The following HIVEP1 variants were observed in gnomAD, a reference collection of about 807,000 sequenced individuals.
The protein encoded by HIVEP1 is zinc finger protein 40.
A neutral mutation model predicts 180.0 loss-of-function variants in HIVEP1; 36 were observed. The ratio of observed to expected loss-of-function variants is 0.20; its 90% CI spans 0.15 to 0.26. HIVEP1 has a LOEUF of 0.26. Ranked by LOEUF, HIVEP1 falls within the 10% of genes least tolerant of loss-of-function variation. The pLI is 1.00. For synonymous variants in HIVEP1, 1,239 were observed against 1,239.0 expected, an observed-to-expected ratio of 1.00 and a Z score of 0.00; for missense variants, 3,143 against 3,268.7, an observed-to-expected ratio of 0.96 and a Z score of 0.94.
chr6:12,131,019 C>A lies in HIVEP1; in HGVS notation c.6385+77C>A. ...AAGCTAAAACCCAACTGTGCGTTTT[C>A]TTTGACCGATGAAATAGCAGCTTAA... On this transcript the variant is annotated intron_variant, in intron 6 of 8. Transcript: ENST00000379388. 3.9e-6 allele frequency: 4 copies of A among 1,026,368 alleles called. No individual in the cohort carries two copies. The South Asian group carries it at 7.4e-5, about 19-fold the overall frequency. The allele number at this position is 1,026,368 out of a possible 1,614,324, so 63.6% of individuals were successfully genotyped here.
At chr6:12,018,387 A>AG (rs1767975912) in intron 2 of HIVEP1, among the ~76,000 whole-genome samples, 1 of 152,238 alleles carries the variant, frequency 6.6e-6, no homozygotes, top group South Asian at 2.1e-4. Flanking sequence ...GTGGGCACCA[A>AG]GGCGGAGGAG....
intron 6 of HIVEP1, among the ~76,000 whole-genome samples, chr6:12,133,441 C>G (rs1758537765): frequency 6.6e-6 from 1 of 151,944 alleles, no homozygotes; most frequent in South Asian, 2.1e-4. Flanking sequence ...AAATTAACAC[C>G]AGGTTTATAA....
At chr6:12,131,289 T>C (rs1383481957) in intron 6 of HIVEP1, among the ~76,000 whole-genome samples, 1 of 152,000 alleles carries the variant, frequency 6.6e-6, no homozygotes, top group Non-Finnish European at 1.5e-5. Flanking sequence ...AAAGAAATTT[T>C]CATGATCACA....
rs527383578 is a variant in HIVEP1, at chr6:12,064,740, C to G, written c.41-24444C>G. 1.4e-3 allele frequency among the ~76,000 whole-genome samples: 207 copies of G among 152,246 alleles called. No individual in the cohort carries two copies. In the Middle Eastern group the frequency reaches 0.014, roughly 10 times the overall value. On this transcript the variant is annotated intron_variant, in intron 2 of 8. Transcript: ENST00000379388. ...TTTCATTTTTTGTGTGTCCCCTCCCCACGCCGTACACACACATATTCCCAT... is the reference window on the plus strand; with the variant it reads ...TTTCATTTTTTGTGTGTCCCCTCCCGACGCCGTACACACACATATTCCCAT...
At chr6:12,208,729 G>A in the HIVEP1 span, among the ~76,000 whole-genome samples, 1 of 152,166 alleles carries the variant, frequency 6.6e-6, no homozygotes, top group African/African-American at 2.4e-5. Context: ...AATCCCATGT[G>A]AGGACATAGG....
At chr6:12,109,887 T>G (rs983248848) in intron 3 of HIVEP1, among the ~76,000 whole-genome samples, 11 of 152,248 alleles carry the variant, frequency 7.2e-5, no homozygotes, top group Admixed American at 3.9e-4. Flanking sequence ...TATCACCTTA[T>G]GAAATGAATT....
At chr6:12,105,875 G>A (rs1774392729) in intron 3 of HIVEP1, among the ~76,000 whole-genome samples, 1 of 151,536 alleles carries the variant, frequency 6.6e-6, no homozygotes, top group South Asian at 2.1e-4. Context: ...ACTTATTTTG[G>A]TACATGCTGT....
At chr6:12,016,235 T>C (rs768914666) in intron 2 of HIVEP1, among the ~76,000 whole-genome samples, 12 of 152,174 alleles carry the variant, frequency 7.9e-5, no homozygotes, top group Non-Finnish European at 1.5e-4. Context: ...GACAGAAAAG[T>C]GTGTGTTTTC....
chr6:12,056,344 A>T (rs1433759669), intron 2 of HIVEP1, among the ~76,000 whole-genome samples: 17 of 152,176 alleles, frequency 1.1e-4, no homozygotes, highest in Admixed American at 1.1e-3. Context: ...AAGTGGAAAG[A>T]TTAATATTAA....
chr6:12,211,581 CAT>C, the HIVEP1 span, among the ~76,000 whole-genome samples: 158 of 151,206 alleles, frequency 1.0e-3, no homozygotes, highest in African/African-American at 3.7e-3. Flanking sequence ...TACATACATC[CAT>C]GTGTGTGTCT....
chr6:12,059,867 A>G (rs1771119002), intron 2 of HIVEP1, among the ~76,000 whole-genome samples: 1 of 152,202 alleles, frequency 6.6e-6, no homozygotes, highest in South Asian at 2.1e-4. Context: ...GATACTTAGT[A>G]AATGTTTTGC....
intron 7 of HIVEP1, among the ~76,000 whole-genome samples, chr6:12,150,062 C>T (rs909863158): frequency 7.2e-5 from 11 of 152,128 alleles, no homozygotes; most frequent in Admixed American, 2.0e-4. Context: ...TGTGGACATT[C>T]GGCATTTAAA....
chr6:12,053,603 A>G (rs1156858473), intron 2 of HIVEP1, among the ~76,000 whole-genome samples: 1 of 152,152 alleles, frequency 6.6e-6, no homozygotes, highest in Non-Finnish European at 1.5e-5. Flanking sequence ...CCATAGCCCT[A>G]GGTAAGGGCA....
intron 2 of HIVEP1, among the ~76,000 whole-genome samples, chr6:12,085,571 T>G (rs984223402): frequency 5.9e-5 from 9 of 152,140 alleles, no homozygotes; most frequent in Non-Finnish European, 1.2e-4. Flanking sequence ...CTGTAACTGT[T>G]CACATTAGAC....
intron 2 of HIVEP1, among the ~76,000 whole-genome samples, chr6:12,071,713 AT>A (rs1202079048): frequency 6.6e-6 from 1 of 152,228 alleles, no homozygotes; most frequent in Non-Finnish European, 1.5e-5. Context: ...TTATTAAAAA[AT>A]AATCATTTCA....
intron 2 of HIVEP1, among the ~76,000 whole-genome samples, chr6:12,020,890 CTTTTTTT>C (rs70981658): frequency 3.8e-5 from 4 of 105,766 alleles, no homozygotes; most frequent in East Asian, 2.8e-4. Context: ...TTCTTTCTTT[CTTTTTTT>C]TTTTTTTTTT....
At chr6:12,105,358 C>T (rs570205915) in intron 3 of HIVEP1, among the ~76,000 whole-genome samples, 1 of 152,284 alleles carries the variant, frequency 6.6e-6, no homozygotes, top group South Asian at 2.1e-4. Context: ...TCAGAACCGC[C>T]CAGCCTTTTA....
intron 2 of HIVEP1, among the ~76,000 whole-genome samples, chr6:12,071,000 G>A (rs1201310827): frequency 6.6e-6 from 1 of 152,114 alleles, no homozygotes; most frequent in Non-Finnish European, 1.5e-5. Context: ...ATGAGAACTC[G>A]AGACTCTGAA....
At chr6:12,117,594 A>G (rs1369915740) in intron 3 of HIVEP1, among the ~76,000 whole-genome samples, 1 of 152,218 alleles carries the variant, frequency 6.6e-6, no homozygotes, top group Non-Finnish European at 1.5e-5. Context: ...TTTGGAGTAT[A>G]AGACATTATT....
Sources: gnomAD v4.1 joint callset for allele counts (sites outside exome capture counted in the v4.1 genomes callset) on GRCh38, gnomAD v4.1.1 for gene constraint, MANE v1.5 for transcripts, NCBI Gene and HGNC (gene_info 2026-07-23, HGNC 2026-07-21) for gene names.